The following ANO2 variants were observed in gnomAD, a reference collection of about 807,000 sequenced individuals.
ANO2 encodes anoctamin-2.
In ANO2, 101 loss-of-function variants were observed where a neutral mutation model predicts 124.2. That is an observed-to-expected ratio of 0.81 (90% CI 0.69 to 0.96). The LOEUF is 0.96. Ranked by LOEUF, ANO2 falls within the 40% of genes least tolerant of loss-of-function variation. The pLI is 0.00. For synonymous variants in ANO2, 486 were observed against 482.5 expected, an observed-to-expected ratio of 1.01 and a Z score of -0.09; for missense variants, 1,293 against 1,274.5, an observed-to-expected ratio of 1.01 and a Z score of -0.22.
At chr12:5,744,059 G>GA in intron 12 of ANO2, 98 bp downstream of exon 12, 1 of 1,461,128 alleles carries the variant, frequency 6.8e-7, no homozygotes, top group South Asian at 1.3e-5. Context: ...GAAAAAATGC[G>GA]AAAGTAAGTA....
chr12:5,828,864 C>T (rs1033623220), intron 6 of ANO2, among the ~76,000 whole-genome samples: 1 of 152,202 alleles, frequency 6.6e-6, no homozygotes, highest in African/African-American at 2.4e-5. Context: ...CTGAGGTGCT[C>T]AGACACCCAC....
intron 3 of ANO2, among the ~76,000 whole-genome samples, chr12:5,898,122 G>GA (rs1298345165): frequency 2.6e-5 from 4 of 151,584 alleles, no homozygotes; most frequent in South Asian, 2.1e-4. Flanking sequence ...CAAATGGCTG[G>GA]AAAAAAAATA....
At chr12:5,853,537 C>T (rs566681991) in intron 4 of ANO2, among the ~76,000 whole-genome samples, 1 of 152,084 alleles carries the variant, frequency 6.6e-6, no homozygotes, top group East Asian at 1.9e-4. Flanking sequence ...ATCAATTCAC[C>T]TGATTAAGAA....
intron 6 of ANO2, among the ~76,000 whole-genome samples, chr12:5,828,489 CT>C (rs1407153425): frequency 1.3e-5 from 2 of 152,192 alleles, no homozygotes; most frequent in African/African-American, 4.8e-5. Flanking sequence ...TCATTGATGT[CT>C]TTATTTCTCT....
chr12:5,828,085 G>C (rs1288007321), intron 6 of ANO2, among the ~76,000 whole-genome samples: 2 of 152,228 alleles, frequency 1.3e-5, no homozygotes, highest in Non-Finnish European at 2.9e-5. Flanking sequence ...TAAAAGGCTA[G>C]AAATGGACGG....
rs773909167 is a variant in ANO2 at position 5,854,101 on chromosome 12, G to A, written c.575C>T (p.Pro192Leu). The A allele has an allele frequency of 1.2e-5, 20 of 1,613,468 alleles. No homozygotes were observed. The Admixed American group carries it at 2.2e-4, about 17-fold the overall frequency. Reference protein sequence around the residue: ...QGSIFVRIHAPWQVLAREAEF... With the variant: ...QGSIFVRIHALWQVLAREAEF... Reference sequence around the variant, plus strand: ...TGCCTCTCTGGCCAGCACCTGCCACGGGGCGTGTATCCGGACAAAGATGGA... The same window carrying A: ...TGCCTCTCTGGCCAGCACCTGCCACAGGGCGTGTATCCGGACAAAGATGGA... Residue 192 changes from proline (P) to leucine (L), a missense_variant, in exon 4 of 25, where the codon CCG becomes CTG. Physicochemically the swap from Pro to Leu is moderately conservative, Grantham distance 98. Transcript: ENST00000682330.
At chr12:5,773,426 C>A (rs1211288055) in intron 10 of ANO2, among the ~76,000 whole-genome samples, 2 of 152,130 alleles carry the variant, frequency 1.3e-5, no homozygotes, top group Admixed American at 1.3e-4. Flanking sequence ...CAAGACTTGT[C>A]CAAAATCACC....
chr12:5,604,303 G>C (rs1171177273), intron 19 of ANO2, among the ~76,000 whole-genome samples: 1 of 152,208 alleles, frequency 6.6e-6, no homozygotes, highest in East Asian at 1.9e-4. Flanking sequence ...AGGAGGAGGA[G>C]TTGTTCTTGC....
intron 3 of ANO2, among the ~76,000 whole-genome samples, chr12:5,863,853 A>AT (rs1180990025): frequency 2.0e-5 from 3 of 152,196 alleles, no homozygotes; most frequent in Non-Finnish European, 4.4e-5. Flanking sequence ...AACATTATTT[A>AT]CTTAACAATA....
chr12:5,703,904 GT>G (rs1949503674), intron 14 of ANO2, among the ~76,000 whole-genome samples: 1 of 152,114 alleles, frequency 6.6e-6, no homozygotes, highest in South Asian at 2.1e-4. Flanking sequence ...AAAAAAAATA[GT>G]ATCAGTTTCC....
intron 4 of ANO2, among the ~76,000 whole-genome samples, chr12:5,838,203 C>T (rs549676656): frequency 7.9e-5 from 12 of 152,276 alleles, no homozygotes; most frequent in South Asian, 6.2e-4. Flanking sequence ...TGGGCTCCCA[C>T]GCTGTTTTTA....
At chr12:5,576,800 T>C (rs1942438233) in intron 22 of ANO2, among the ~76,000 whole-genome samples, 1 of 152,250 alleles carries the variant, frequency 6.6e-6, no homozygotes. Flanking sequence ...TACCAAAATG[T>C]AGTTCAGATA....
At chr12:5,786,521 T>A (rs1952544792) in intron 10 of ANO2, among the ~76,000 whole-genome samples, 1 of 152,178 alleles carries the variant, frequency 6.6e-6, no homozygotes, top group Non-Finnish European at 1.5e-5. Flanking sequence ...AGTGAGAGGA[T>A]GAGCCTGGAT....
intron 7 of ANO2, among the ~76,000 whole-genome samples, chr12:5,815,262 T>A (rs1197185881): frequency 6.6e-6 from 1 of 152,128 alleles, no homozygotes; most frequent in Admixed American, 6.5e-5. Context: ...TGTTTTTCCA[T>A]CTCCCACACT....
chr12:5,818,151 T>A (rs1436518321), intron 7 of ANO2, among the ~76,000 whole-genome samples: 2 of 99,756 alleles, frequency 2.0e-5, no homozygotes, highest in Admixed American at 2.4e-4. Context: ...TAATCCTGGG[T>A]GTGTCTGTGA....
intron 20 of ANO2, among the ~76,000 whole-genome samples, chr12:5,595,671 G>T (rs899169233): frequency 9.2e-5 from 14 of 152,228 alleles, no homozygotes; most frequent in Admixed American, 5.9e-4. Context: ...CCATAATTCA[G>T]TAAGATGCCA....
intron 9 of ANO2, among the ~76,000 whole-genome samples, chr12:5,800,891 T>C (rs541777103): frequency 6.6e-6 from 1 of 152,038 alleles, no homozygotes; most frequent in African/African-American, 2.4e-5. Flanking sequence ...AAAGAAGAGA[T>C]AGTAAGTATA....
intron 14 of ANO2, among the ~76,000 whole-genome samples, chr12:5,703,323 T>C (rs891771841): frequency 6.6e-6 from 1 of 152,064 alleles, no homozygotes; most frequent in South Asian, 2.1e-4. Context: ...GTATGCACAA[T>C]ATAAGTACAA....
chr12:5,708,253 T>C (rs555436320), intron 14 of ANO2, among the ~76,000 whole-genome samples: 1 of 152,322 alleles, frequency 6.6e-6, no homozygotes, highest in East Asian at 1.9e-4. Flanking sequence ...TCCCCACTAA[T>C]GTCTCTGAAT....
Sources: allele counts gnomAD v4.1 joint callset (sites outside exome capture counted in the v4.1 genomes callset), GRCh38; gene constraint gnomAD v4.1.1; transcripts MANE v1.5; gene names NCBI Gene and HGNC (gene_info 2026-07-23, HGNC 2026-07-21).